Variants in PMP22 observed in about 807,000 individuals in gnomAD.
PMP22 encodes peripheral myelin protein 22, also known as Charcot-Marie-Tooth neuropathy 1A (greatly reduced nerve conduction velocity, hereditary motor sensory neuropathy Ia).
Under a neutral mutation model 18.9 loss-of-function variants are expected in PMP22, and 2 were observed. The ratio of observed to expected loss-of-function variants is 0.11; its 90% confidence interval spans 0.04 to 0.33. PMP22 has a LOEUF of 0.33. Among genes scored for constraint, PMP22 ranks in the 10% least tolerant of loss-of-function variants. The pLI, the probability that PMP22 is intolerant of heterozygous loss-of-function variation, is 1.00. For missense variants in PMP22, 169 were observed against 202.2 expected, an observed-to-expected ratio of 0.84 and a Z score of 1.00; for synonymous variants, 95 against 89.2, an observed-to-expected ratio of 1.07 and a Z score of -0.37.
chr17:15,254,660 T>C (rs1407448266), intron 3 of PMP22, among the ~76,000 whole-genome samples: 1 of 151,966 alleles, frequency 6.6e-6, no homozygotes. Flanking sequence ...CTGGACTCAT[T>C]AAATAATAAT....
chr17:15,254,819 C>T (rs768736984), intron 3 of PMP22, among the ~76,000 whole-genome samples: 7 of 152,128 alleles, frequency 4.6e-5, no homozygotes, highest in Non-Finnish European at 8.8e-5. Flanking sequence ...ATTAGCCAAG[C>T]GTGGTGGCGC....
chr17:15,232,099 T>C (rs933573059), intron 4 of PMP22, among the ~76,000 whole-genome samples: 4 of 151,914 alleles, frequency 2.6e-5, no homozygotes, highest in Admixed American at 6.6e-5. Context: ...GTGGGATTCA[T>C]GCAGTTCCAG....
intron 3 of PMP22, among the ~76,000 whole-genome samples, chr17:15,253,964 G>A (rs1459343267): frequency 1.3e-5 from 2 of 152,134 alleles, no homozygotes; most frequent in African/African-American, 4.8e-5. Context: ...AATAGTCTCT[G>A]GTACACGAGA....
chr17:15,236,116 T>C (rs1313186365), intron 4 of PMP22, among the ~76,000 whole-genome samples: 4 of 151,732 alleles, frequency 2.6e-5, no homozygotes, highest in Admixed American at 6.6e-5. Context: ...ACAGCTCAGG[T>C]TGAAAGCACT....
At chr17:15,241,793 T>C (rs1162355423) in intron 3 of PMP22, among the ~76,000 whole-genome samples, 1 of 152,208 alleles carries the variant, frequency 6.6e-6, no homozygotes, top group African/African-American at 2.4e-5. Context: ...ATCAAGGACA[T>C]TTTTATTCAA....
intron 2 of PMP22, chr17:15,260,362 A>G (rs1597635077): frequency 4.1e-6 from 2 of 486,724 alleles, no homozygotes; most frequent in East Asian, 3.6e-5. Context: ...AAGTTAAACA[A>G]TCTTGTCAAA....
In PMP22 at chr17:15,260,686, C is replaced by A. The variant is rs1555568786; in HGVS notation, c.42G>T (p.Ala14=). The change falls in exon 2 of 5, where the codon GCG becomes GCT. Residue 14 remains alanine, a synonymous_variant. Coordinates refer to ENST00000312280, the MANE Select transcript of PMP22 (RefSeq NM_000304.4). ...TGGAGACGAACAGCAGCACCAGCAC[C>A]GCGACGTGGAGGACGATGATACTCA... ...LLLSIIVLHV[A]VLVLLFVSTI... is the part of the protein sequence containing the mutation. 7.1e-6 allele frequency: 11 copies of A among 1,553,588 alleles called. No homozygotes were observed. The highest frequency in any genetic ancestry group is 9.6e-6 in the Non-Finnish European group (11 of 1,148,004).
At position 15,239,558 on chromosome 17, in the gene PMP22, G is replaced by T. The variant is rs766656618; in HGVS notation, c.232C>A (p.Leu78Met). Reference protein sequence around the residue: ...TMILSIIFSILSLFLFFCQLF... With the variant: ...TMILSIIFSIMSLFLFFCQLF... ...TGGCAGAAGAACAGGAACAGAGACA[G>T]AATGCTGAAGATGATCGACAGGATC... is the stretch of plus-strand genomic sequence containing the variant. The change falls in exon 4 of 5, where the codon CTG (leucine) becomes ATG (methionine). Residue 78 changes from leucine to methionine, a missense_variant. Coordinates refer to ENST00000312280, the MANE Select transcript of PMP22 (RefSeq NM_000304.4). The T allele has an allele frequency of 6.2e-7, 1 of 1,613,978 alleles. No homozygotes were observed. The highest frequency in any genetic ancestry group is 8.5e-7 in the Non-Finnish European group (1 of 1,179,848).
chr17:15,231,242 T>A (rs1369153058), intron 4 of PMP22, among the ~76,000 whole-genome samples, 162 bp from the exon 5 acceptor site: 4 of 152,148 alleles, frequency 2.6e-5, no homozygotes, highest in Admixed American at 1.3e-4. Context: ...AGCACAAAAA[T>A]ATGGGAACAA....
chr17:15,251,453 A>G (rs937903623), intron 3 of PMP22, among the ~76,000 whole-genome samples: 7 of 152,050 alleles, frequency 4.6e-5, no homozygotes, highest in Admixed American at 2.0e-4. Flanking sequence ...CAGGCTCAAT[A>G]GAGTTGAAGA....
Position 15,230,866 on chromosome 17 carries a change from T to A in PMP22, c.*51A>T, listed in dbSNP as rs1279225806. 1 of 1,598,824 alleles carries A rather than the reference T, an allele frequency of 6.3e-7. No homozygotes were observed. The highest frequency in any genetic ancestry group is 1.3e-5 in the African/African-American group (1 of 74,688). ...TCTTTGTCTGCTTTCTGTTTTCCCTTCCTCCCTTCCCTATGTACGCTCAGA... is the reference window on the plus strand; with the variant it reads ...TCTTTGTCTGCTTTCTGTTTTCCCTACCTCCCTTCCCTATGTACGCTCAGA... On this transcript the variant is annotated 3_prime_UTR_variant, in exon 5 of 5. Transcript: ENST00000312280.
intron 3 of PMP22, among the ~76,000 whole-genome samples, chr17:15,257,348 C>T (rs1908926133): frequency 6.6e-6 from 1 of 152,222 alleles, no homozygotes; most frequent in African/African-American, 2.4e-5. Context: ...ACTCCTCTGC[C>T]GCCTCGTTTC....
At position 15,259,277 on chromosome 17, in the gene PMP22, C is replaced by T. The variant is rs1302253621; in HGVS notation, c.79-84G>A. The T allele has an allele frequency of 6.4e-6, 7 of 1,088,842 alleles. No homozygotes were observed. The South Asian group carries it at 7.8e-5, about 12-fold the overall frequency. 67.4% of individuals were successfully genotyped at this position (1,088,842 alleles called of 1,614,324 possible). A position where few individuals can be genotyped will look rare whatever the true frequency, so the allele number is the denominator to read the frequency against. On this transcript the variant is annotated intron_variant, in intron 2 of 4. Coordinates refer to ENST00000312280, the MANE Select transcript of PMP22 (RefSeq NM_000304.4). Reference sequence around the variant, plus strand: ...GGGAAGGAGAAAGGCCCAGGGATGGCGAAAAGCACCCGCATCCACCTAGCC... The same window carrying T: ...GGGAAGGAGAAAGGCCCAGGGATGGTGAAAAGCACCCGCATCCACCTAGCC...
intron 4 of PMP22, among the ~76,000 whole-genome samples, chr17:15,231,706 G>GT: frequency 6.6e-6 from 1 of 152,334 alleles, no homozygotes; most frequent in Admixed American, 6.5e-5. Context: ...GCAGCCGACA[G>GT]TATGACTGGG....
intron 4 of PMP22, 179 bp downstream of exon 4, chr17:15,239,292 A>G: frequency 1.4e-6 from 1 of 707,550 alleles, no homozygotes; most frequent in South Asian, 1.6e-5. Context: ...CCCAAGTTCT[A>G]AGACACATAC....
At chr17:15,242,054 C>G (rs1174268685) in intron 3 of PMP22, among the ~76,000 whole-genome samples, 2 of 151,880 alleles carry the variant, frequency 1.3e-5, no homozygotes, top group Non-Finnish European at 2.9e-5. Context: ...GAGTTCAAGA[C>G]CAGCCTGGCC....
At chr17:15,247,155 G>T (rs1054041439) in intron 3 of PMP22, among the ~76,000 whole-genome samples, 1 of 133,464 alleles carries the variant, frequency 7.5e-6, no homozygotes, top group Non-Finnish European at 1.7e-5. Context: ...GGATCACGAG[G>T]TCAGGAGATT....
chr17:15,257,855 G>A (rs16951263), intron 3 of PMP22, among the ~76,000 whole-genome samples: 1 of 152,086 alleles, frequency 6.6e-6, no homozygotes, highest in Non-Finnish European at 1.5e-5. Context: ...TACTCCTTGC[G>A]TATCTTCTCC....
chr17:15,262,818 T>C (rs1437958566), intron 1 of PMP22, among the ~76,000 whole-genome samples: 1 of 152,196 alleles, frequency 6.6e-6, no homozygotes, highest in Non-Finnish European at 1.5e-5. Context: ...CCTGGCCCCG[T>C]GGAGACCTAG....
Sources: allele counts gnomAD v4.1 joint callset (sites outside exome capture counted in the v4.1 genomes callset), GRCh38; gene constraint gnomAD v4.1.1; transcripts MANE v1.5; gene names NCBI Gene and HGNC (gene_info 2026-07-23, HGNC 2026-07-21).